MAST4: variants seen among roughly 807,000 people sequenced by gnomAD.
MAST4 encodes the protein microtubule associated serine/threonine kinase family member 4.
Under a neutral mutation model 162.7 loss-of-function variants are expected in MAST4, and 89 were observed. The ratio of observed to expected loss-of-function variants is 0.55; its 90% CI spans 0.46 to 0.65. The LOEUF (loss-of-function observed/expected upper bound fraction) is 0.65. Ranked by LOEUF, MAST4 falls within the 30% of genes least tolerant of loss-of-function variation. The pLI is 0.00. For missense variants in MAST4, 3,153 were observed against 3,374.0 expected (o/e 0.93, Z 1.62); for synonymous variants, 1,479 against 1,361.1 (o/e 1.09, Z -1.91).
intron 1 of MAST4, among the ~76,000 whole-genome samples, chr5:66,686,353 A>G (rs10071033): frequency 0.21 from 31,346 of 152,068 alleles, 3,717 homozygotes; most frequent in East Asian, 0.31. Context: ...TATCATTGTG[A>G]CTGTGTACAC....
At chr5:67,008,018 G>T (rs1423729892) in intron 4 of MAST4, among the ~76,000 whole-genome samples, 3 of 152,168 alleles carry the variant, frequency 2.0e-5, no homozygotes, top group African/African-American at 7.2e-5. Flanking sequence ...GACCATGGCA[G>T]ACATGAGATT....
intron 3 of MAST4, among the ~76,000 whole-genome samples, chr5:66,822,206 G>A (rs150768832): frequency 0.011 from 1,662 of 152,274 alleles, 24 homozygotes; most frequent in African/African-American, 0.037. Context: ...TGGCTTCCAG[G>A]AAATCAAGGC....
At chr5:67,047,517 A>G (rs942045706) in intron 4 of MAST4, among the ~76,000 whole-genome samples, 5 of 151,752 alleles carry the variant, frequency 3.3e-5, no homozygotes, top group African/African-American at 1.2e-4. Context: ...GTGAACTCCC[A>G]CCCCTGCAAT....
intron 5 of MAST4, among the ~76,000 whole-genome samples, chr5:67,073,919 A>G (rs1178909585): frequency 6.6e-6 from 1 of 152,194 alleles, no homozygotes; most frequent in African/African-American, 2.4e-5. Flanking sequence ...ATGGAGAAAT[A>G]ATTTCTGAGT....
intron 2 of MAST4, among the ~76,000 whole-genome samples, chr5:66,774,672 A>G (rs898643876): frequency 2.0e-5 from 3 of 152,218 alleles, no homozygotes; most frequent in African/African-American, 4.8e-5. Flanking sequence ...TGTATCCTCA[A>G]AGCAAAGCCT....
chr5:66,978,721 C>T (rs1324576326), intron 4 of MAST4, among the ~76,000 whole-genome samples: 1 of 152,104 alleles, frequency 6.6e-6, no homozygotes, highest in Non-Finnish European at 1.5e-5. Context: ...GCTAGGTAAG[C>T]CAGCTTGCCT....
At chr5:66,676,304 A>G (rs1013293829) in intron 1 of MAST4, among the ~76,000 whole-genome samples, 3 of 152,222 alleles carry the variant, frequency 2.0e-5, no homozygotes, top group African/African-American at 7.2e-5. Context: ...CCATACACTG[A>G]CTGTGCCTTG....
intron 4 of MAST4, among the ~76,000 whole-genome samples, chr5:67,002,512 G>A (rs1751407788): frequency 6.6e-6 from 1 of 152,198 alleles, no homozygotes; most frequent in African/African-American, 2.4e-5. Context: ...TATACACAGT[G>A]TGATCAGCAG....
At chr5:66,692,514 C>A (rs1428208802) in intron 1 of MAST4, among the ~76,000 whole-genome samples, 2 of 151,626 alleles carry the variant, frequency 1.3e-5, no homozygotes, top group Non-Finnish European at 2.9e-5. Context: ...GGAGATGAAC[C>A]AGGGCTATTC....
At chr5:66,945,927 A>G (rs1031322806) in intron 4 of MAST4, among the ~76,000 whole-genome samples, 3 of 152,170 alleles carry the variant, frequency 2.0e-5, no homozygotes, top group African/African-American at 7.2e-5. Flanking sequence ...TTGAATCCGT[A>G]TAAAGAGATG....
At chr5:67,007,134 A>G (rs1159036566) in intron 4 of MAST4, among the ~76,000 whole-genome samples, 3 of 152,140 alleles carry the variant, frequency 2.0e-5, no homozygotes, top group Admixed American at 6.5e-5. Context: ...GTATGTGGCT[A>G]TTGCATCCTG....
intron 17 of MAST4, among the ~76,000 whole-genome samples, chr5:67,134,104 C>T (rs1769331506): frequency 6.6e-6 from 1 of 152,074 alleles, no homozygotes; most frequent in African/African-American, 2.4e-5. Flanking sequence ...TCTCAACTGT[C>T]ATTGCTTTTA....
intron 1 of MAST4, among the ~76,000 whole-genome samples, chr5:66,756,584 A>C (rs1753551857): frequency 6.6e-6 from 1 of 152,244 alleles, no homozygotes. Context: ...GTCCAAAGTG[A>C]CATGTTTGAT....
intron 1 of MAST4, among the ~76,000 whole-genome samples, chr5:66,752,265 T>A (rs1316724884): frequency 6.6e-6 from 1 of 151,992 alleles, no homozygotes; most frequent in African/African-American, 2.4e-5. Context: ...GCTAACATCA[T>A]AATGACAGGA....
intron 1 of MAST4, among the ~76,000 whole-genome samples, chr5:66,671,276 C>T (rs1319721684): frequency 1.3e-5 from 2 of 152,156 alleles, no homozygotes; most frequent in Admixed American, 6.6e-5. Context: ...AGGATGGAGA[C>T]CTCGTCTTCC....
chr5:66,598,112 A>C (rs1177563688), intron 1 of MAST4, among the ~76,000 whole-genome samples: 3 of 152,130 alleles, frequency 2.0e-5, no homozygotes, highest in East Asian at 3.9e-4. Flanking sequence ...CCCAGCCTGG[A>C]AGCAAAAACT....
chr5:67,005,335 C>G (rs1304933016), intron 4 of MAST4, among the ~76,000 whole-genome samples: 1 of 152,110 alleles, frequency 6.6e-6, no homozygotes. Context: ...AAGACATTTC[C>G]TTGTGAGAGG....
chr5:66,994,050 T>C (rs1419653155), intron 4 of MAST4, among the ~76,000 whole-genome samples: 1 of 151,682 alleles, frequency 6.6e-6, no homozygotes, highest in Non-Finnish European at 1.5e-5. Flanking sequence ...CTTTGTTTCA[T>C]GGGAGAGTGA....
At chr5:66,738,677 G>A (rs551673182) in intron 1 of MAST4, among the ~76,000 whole-genome samples, 3 of 152,322 alleles carry the variant, frequency 2.0e-5, no homozygotes, top group Non-Finnish European at 2.9e-5. Context: ...GCAGGCCAGC[G>A]TAGGTGGTTA....
Sources: allele counts gnomAD v4.1 joint callset (sites outside exome capture counted in the v4.1 genomes callset), GRCh38; gene constraint gnomAD v4.1.1; transcripts MANE v1.5; gene names NCBI Gene and HGNC (gene_info 2026-07-23, HGNC 2026-07-21).